CRYBG1: variants seen among roughly 807,000 people sequenced by gnomAD.
CRYBG1 encodes the protein beta/gamma crystallin domain-containing protein 1.
CRYBG1 carries 139 observed loss-of-function variants against 189.2 expected under a neutral mutation model. That is an observed-to-expected ratio of 0.73 (90% CI 0.64 to 0.85). The LOEUF (loss-of-function observed/expected upper bound fraction) is 0.85. CRYBG1 is among the 40% of genes least tolerant of loss of function. The pLI is 0.00. For synonymous variants in CRYBG1, 1,023 were observed against 1,017.1 expected (o/e 1.01, Z -0.11); for missense variants, 2,611 against 2,675.8 (o/e 0.98, Z 0.53).
intron 2 of CRYBG1, among the ~76,000 whole-genome samples, chr6:106,505,364 A>G (rs1773108686): frequency 6.6e-6 from 1 of 151,880 alleles, no homozygotes; most frequent in African/African-American, 2.4e-5. Flanking sequence ...AAAGTGCTGG[A>G]ATTACAGGCA....
In CRYBG1 at chr6:106,364,698, G is replaced by T. The variant is rs1466073288; in HGVS notation, c.173+3617G>T. Among the ~76,000 whole-genome samples, 4 of 152,206 alleles carry T rather than the reference G, an allele frequency of 2.6e-5. No homozygotes were observed. In the South Asian group the frequency reaches 8.3e-4, roughly 31 times the overall value. ...CCAGGCCACTTAGCAGCCACTAGTG[G>T]CACTGTCATTTACCACATTTTAAAT... is the stretch of plus-strand genomic sequence containing the variant. On this transcript the variant is annotated intron_variant, in intron 1 of 21. Coordinates refer to ENST00000633556, the MANE Select transcript of CRYBG1 (RefSeq NM_001371242.2).
chr6:106,508,379 G>A (rs1378896447), intron 2 of CRYBG1, among the ~76,000 whole-genome samples: 1 of 152,172 alleles, frequency 6.6e-6, no homozygotes, highest in East Asian at 1.9e-4. Context: ...AGTTTGATGA[G>A]TTTTGAAAGA....
At chr6:106,433,248 TA>T (rs1771370565) in intron 1 of CRYBG1, among the ~76,000 whole-genome samples, 1 of 152,202 alleles carries the variant, frequency 6.6e-6, no homozygotes, top group South Asian at 2.1e-4. Flanking sequence ...AAAGAGATAA[TA>T]TACATGAAAG....
At chr6:106,501,309 T>A (rs2114509722) in intron 2 of CRYBG1, among the ~76,000 whole-genome samples, 1 of 152,320 alleles carries the variant, frequency 6.6e-6, no homozygotes, top group Non-Finnish European at 1.5e-5. Flanking sequence ...CCATACCTTA[T>A]GAGCTGCAAA....
chr6:106,419,498 T>C (rs2114385782), intron 1 of CRYBG1, among the ~76,000 whole-genome samples: 1 of 152,278 alleles, frequency 6.6e-6, no homozygotes, highest in Non-Finnish European at 1.5e-5. Context: ...TCTTCCTACC[T>C]CAGCTCCCTG....
intron 2 of CRYBG1, among the ~76,000 whole-genome samples, chr6:106,472,644 C>T (rs1053401942): frequency 1.3e-5 from 2 of 151,850 alleles, no homozygotes; most frequent in African/African-American, 4.8e-5. Context: ...CCTGTAATCC[C>T]AGCACTTTGG....
chr6:106,466,467 C>T (rs1223282386), intron 2 of CRYBG1, among the ~76,000 whole-genome samples: 8 of 152,240 alleles, frequency 5.3e-5, no homozygotes, highest in South Asian at 2.1e-4. Context: ...TTATTCACTT[C>T]GTGCCTGTTA....
chr6:106,516,187 C>T (rs1241351872), intron 3 of CRYBG1, among the ~76,000 whole-genome samples: 1 of 151,792 alleles, frequency 6.6e-6, no homozygotes, highest in Non-Finnish European at 1.5e-5. Context: ...TAAGTTGACT[C>T]ACCAGCAGTC....
At position 106,456,149 on chromosome 6, in the gene CRYBG1, G is replaced by GCTTGTT. The variant is rs781621044; in HGVS notation, c.312+4318_312+4323dup. Among the ~76,000 whole-genome samples, 3 of 152,082 alleles carry GCTTGTT rather than the reference G, an allele frequency of 2.0e-5. No homozygotes were observed. The South Asian group carries it at 6.2e-4, about 32-fold the overall frequency. On this transcript the variant is annotated intron_variant, in intron 2 of 21. Coordinates refer to ENST00000633556, the MANE Select transcript of CRYBG1 (RefSeq NM_001371242.2). ...GTTCTAACCACTATTGTTTTTGACA[G>GCTTGTT]CTTGTTTTTGTTTTTGTTTTTTGAG...
rs530960855 is a variant in CRYBG1 at position 106,557,831 on chromosome 6, T to C, written c.5716-655T>C. Among the ~76,000 whole-genome samples, 4 of 152,376 alleles carry C rather than the reference T, an allele frequency of 2.6e-5. No individual in the cohort carries two copies. In the South Asian group the frequency reaches 6.2e-4, roughly 24 times the overall value. On this transcript the variant is annotated intron_variant, in intron 17 of 21. Transcript: ENST00000633556. ...TGTCTATAATTTGAAAAAACAGGCA[T>C]AAGCTGCCAACTTTTCATTTTCCTG...
rs143334751 is a variant in CRYBG1 at position 106,542,035 on chromosome 6, C to T, written c.4881+414C>T. 5.2e-3 allele frequency among the ~76,000 whole-genome samples: 788 copies of T among 152,150 alleles called. 2 individuals are homozygous for T. Among genetic ancestry groups the T allele is most frequent in the Non-Finnish European group, 9.1e-3 (620 of 68,002 alleles). ...CCAATTCCCACATCGATGCCACACA[C>T]TATAACTTTTCAATTTTCAATTTTA... On this transcript the variant is annotated intron_variant, in intron 10 of 21. Coordinates refer to ENST00000633556, the MANE Select transcript of CRYBG1 (RefSeq NM_001371242.2).
chr6:106,472,760 C>T (rs1029775180), intron 2 of CRYBG1, among the ~76,000 whole-genome samples: 29 of 150,698 alleles, frequency 1.9e-4, no homozygotes, highest in African/African-American at 6.6e-4. Flanking sequence ...AAAAATTAGC[C>T]AGGTGTGGTG....
chr6:106,518,648 A>T (rs904153566), intron 3 of CRYBG1, among the ~76,000 whole-genome samples: 1 of 152,198 alleles, frequency 6.6e-6, no homozygotes, highest in Non-Finnish European at 1.5e-5. Flanking sequence ...AGGACTATTT[A>T]AAAATAGTTT....
rs1401479304 is a variant in CRYBG1, at chr6:106,552,415, G to A, written c.5472+199G>A. ...AGCCTGACCAACATGGGGAAACCCC[G>A]TCTTTACTAAAAAGACAAAAATTAG... On this transcript the variant is annotated intron_variant, in intron 15 of 21. Coordinates refer to ENST00000633556, the MANE Select transcript of CRYBG1 (RefSeq NM_001371242.2). 1.8e-5 allele frequency: 5 copies of A among 272,552 alleles called. No individual in the cohort carries two copies. The East Asian group carries it at 2.4e-4, about 13-fold the overall frequency. The allele number at this position is 272,552 out of a possible 1,614,324, so 16.9% of individuals were successfully genotyped here.
At chr6:106,565,151 C>G (rs1452387752) in intron 21 of CRYBG1, among the ~76,000 whole-genome samples, 1 of 151,986 alleles carries the variant, frequency 6.6e-6, no homozygotes, top group Non-Finnish European at 1.5e-5. Flanking sequence ...AACCCCGTCT[C>G]TACTAAAAAA....
rs1562111588 is a variant in CRYBG1 at position 106,541,575 on chromosome 6, G to T, written c.4846-11G>T. Reference sequence around the variant, plus strand: ...GAAAAACTATTTTTCTTACTATGTTGTTTTTTTCAGGGTGGCCGTAAAGTT... The same window carrying T: ...GAAAAACTATTTTTCTTACTATGTTTTTTTTTTCAGGGTGGCCGTAAAGTT... On this transcript the variant is annotated splice_polypyrimidine_tract_variant and intron_variant, in intron 9 of 21. Transcript: ENST00000633556. 1 of 1,610,802 alleles carries T rather than the reference G, an allele frequency of 6.2e-7. No homozygotes were observed. The highest frequency in any genetic ancestry group is 2.2e-5 in the East Asian group (1 of 44,832).
At position 106,563,813 on chromosome 6, in the gene CRYBG1, G is replaced by A; in HGVS notation, c.6188G>A (p.Gly2063Asp). 6.2e-7 allele frequency: 1 copy of A among 1,612,774 alleles called. No individual in the cohort carries two copies. The highest frequency in any genetic ancestry group is 8.5e-7 in the Non-Finnish European group (1 of 1,178,866). Residue 2063 changes from glycine (G) to aspartate (D), a missense_variant, in exon 21 of 22, where the codon GGC becomes GAC. Coordinates refer to ENST00000633556, the MANE Select transcript of CRYBG1 (RefSeq NM_001371242.2). Reference sequence around the variant, plus strand: ...ATTGTGGGCAGCCTGGTAACATCTGGCTCCAAGCTAGGCCTGGCCCTGGAC... The same window carrying A: ...ATTGTGGGCAGCCTGGTAACATCTGACTCCAAGCTAGGCCTGGCCCTGGAC... The part of the protein sequence containing the change: ...LTIVGSLVTS[G>D]SKLGLALDQN...
chr6:106,549,580 A>C (rs1774351134), intron 13 of CRYBG1, among the ~76,000 whole-genome samples: 1 of 152,082 alleles, frequency 6.6e-6, no homozygotes, highest in African/African-American at 2.4e-5. Context: ...CTCTACTAAA[A>C]AAAATAAAAA....
Position 106,560,802 on chromosome 6 carries a change from GATGGGTTACTT to G in CRYBG1, c.5859_5869del (p.Trp1953Ter). 1 of 1,602,336 alleles carries G rather than the reference GATGGGTTACTT, an allele frequency of 6.2e-7. No homozygotes were observed. Among genetic ancestry groups the G allele is most frequent in the Non-Finnish European group, 8.5e-7 (1 of 1,175,472 alleles). Reference sequence around the variant, plus strand: ...CTTACTGTGGTTATTTTTGTTTTCAGATGGGTTACTTATGAATATGGCAGTTACAGAGGGCG... The same window carrying G: ...CTTACTGTGGTTATTTTTGTTTTCAGATGAATATGGCAGTTACAGAGGGCG... On this transcript the variant is annotated frameshift_variant and splice_region_variant, in exon 19 of 22. Coordinates refer to ENST00000633556, the MANE Select transcript of CRYBG1 (RefSeq NM_001371242.2). LOFTEE classifies it high-confidence loss of function.
Sources: allele counts gnomAD v4.1 joint callset (sites outside exome capture counted in the v4.1 genomes callset), GRCh38; gene constraint gnomAD v4.1.1; transcripts MANE v1.5; gene names NCBI Gene and HGNC (gene_info 2026-07-23, HGNC 2026-07-21).